EOMES: variants seen among roughly 807,000 people sequenced by gnomAD.
The protein encoded by EOMES is eomesodermin, also known as eomesodermin homolog.
In EOMES, 18 loss-of-function variants were observed where a neutral mutation model predicts 61.0. That is an observed-to-expected ratio of 0.30 (90% confidence interval 0.20 to 0.44). The LOEUF (loss-of-function observed/expected upper bound fraction) is 0.44. Among genes scored for constraint, EOMES ranks in the 20% least tolerant of loss-of-function variants. EOMES has a pLI of 1.00. For synonymous variants in EOMES, 430 were observed against 394.0 expected, an observed-to-expected ratio of 1.09 and a Z score of -1.08; for missense variants, 885 against 939.2, an observed-to-expected ratio of 0.94 and a Z score of 0.75.
At chr3:27,718,931 A>G in intron 3 of EOMES, 38 bp from the exon 4 acceptor site, 1 of 1,509,400 alleles carries the variant, frequency 6.6e-7, no homozygotes. Context: ...AAATCTAAAA[A>G]GCCTCTTAGT....
rs1011148499 is a variant in EOMES, at chr3:27,721,612, G to A, written c.683C>T (p.Pro228Leu). ...CCCCTGGCTGTACTGATAGGTGCCC[G>A]GGCCGCCGCCCCCGCCGCTGCTACC... is the stretch of plus-strand genomic sequence containing the variant. The part of the protein sequence containing the change: ...AGGSSGGGGG[P>L]GTYQYSQGAP... The change falls in exon 1 of 6, where the codon CCG becomes CTG. Residue 228 changes from proline (P) to leucine (L), a missense_variant. This residue lies in a region of EOMES where 449 missense variants were observed against 383.6 expected (regional missense o/e 1.17). Coordinates refer to ENST00000449599, the MANE Select transcript of EOMES (RefSeq NM_001278182.2). The surrounding 1 kb of genome is among the most constrained non-coding windows in gnomAD (Gnocchi z 7.4). The A allele has an allele frequency of 1.2e-5, 19 of 1,544,562 alleles. No individual in the cohort carries two copies. The East Asian group carries it at 4.6e-4, about 38-fold the overall frequency.
Position 27,721,857 on chromosome 3 carries a change from G to A in EOMES, c.438C>T (p.Leu146=). The A allele has an allele frequency of 6.6e-7, 1 of 1,511,024 alleles. No homozygotes were observed. The highest frequency in any genetic ancestry group is 8.8e-7 in the Non-Finnish European group (1 of 1,135,336). 93.6% of individuals were successfully genotyped at this position (1,511,024 alleles called of 1,614,324 possible). The part of the protein sequence containing the change: ...MDSLSSERYY[L]QSPGPQGSEL... ...CCGACCCCTGAGGACCGGGGGACTG[G>A]AGGTAGTACCGCTCGGAGCTCAGGC... The change falls in exon 1 of 6, where the codon CTC becomes CTT. Residue 146 remains leucine (L), a synonymous_variant. Coordinates refer to ENST00000449599, the MANE Select transcript of EOMES (RefSeq NM_001278182.2). This position sits in a 1 kb window ranked among gnomAD's most constrained non-coding sequence, Gnocchi z 7.4.
rs1455333691 is a variant in EOMES, at chr3:27,718,902, A to G, written c.1159-9T>C. ...GATTGTAAGACTATCATCTGGAAAG[A>G]GTACAGAAAAAAATTGCTAAATCTA... On this transcript the variant is annotated splice_polypyrimidine_tract_variant and intron_variant, in intron 3 of 5. Coordinates refer to ENST00000449599, the MANE Select transcript of EOMES (RefSeq NM_001278182.2). 15 of 1,588,854 alleles carry G rather than the reference A, an allele frequency of 9.4e-6. No individual in the cohort carries two copies. The highest frequency in any genetic ancestry group is 1.7e-4 in the Middle Eastern group (1 of 5,922).
Position 27,721,670 on chromosome 3 carries a change from C to G in EOMES, c.625G>C (p.Gly209Arg), listed in dbSNP as rs772273408. 5.9e-6 allele frequency: 9 copies of G among 1,532,610 alleles called. No individual in the cohort carries two copies. The highest frequency in any genetic ancestry group is 2.1e-5 in the Admixed American group (1 of 48,764). The allele number at this position is 1,532,610 out of a possible 1,614,324, so 94.9% of individuals were successfully genotyped here. Residue 209 changes from glycine (G) to arginine (R), a missense_variant, in exon 1 of 6, where the codon GGC (glycine) becomes CGC (arginine). Around this residue, in one of 3 missense-constraint regions of EOMES, gnomAD observed 449 missense variants for 383.6 expected, o/e 1.17. Transcript: ENST00000449599. The surrounding 1 kb of genome is among the most constrained non-coding windows in gnomAD (Gnocchi z 7.4). ...CCACTGCCCGCACCGGCTCCTGGGCCGAACTGCGCCCTCCCGGGTGGGCAC... is the reference window on the plus strand; with the variant it reads ...CCACTGCCCGCACCGGCTCCTGGGCGGAACTGCGCCCTCCCGGGTGGGCAC... The part of the protein sequence containing the change: ...AVCPPGRAQF[G>R]PGAGAGSGAG...
chr3:27,720,979 A>C (rs1226566391), intron 1 of EOMES, among the ~76,000 whole-genome samples: 1 of 152,040 alleles, frequency 6.6e-6, no homozygotes, highest in African/African-American at 2.4e-5. Flanking sequence ...CCCCGTGGAG[A>C]CCCTGGCGCC....
At position 27,717,322 on chromosome 3, in the gene EOMES, A is replaced by G; in HGVS notation, c.1866T>C (p.Asp622=). ...CTTTCACTTTCTCCTTGGAGAGCTG[A>G]TCTTCAGAGAACACAGTGGGGCTTG... The part of the protein sequence containing the change: ...SRTSPTVFSE[D]QLSKEKVKEE... Residue 622 remains aspartate (D), a synonymous_variant, in exon 6 of 6, where the codon GAT becomes GAC. Transcript: ENST00000449599. This position sits in a 1 kb window ranked among gnomAD's most constrained non-coding sequence, Gnocchi z 4.5. The G allele has an allele frequency of 6.2e-7, 1 of 1,614,138 alleles. No individual in the cohort carries two copies. Among genetic ancestry groups the G allele is most frequent in the Middle Eastern group, 1.6e-4 (1 of 6,062 alleles).
chr3:27,720,756 A>G (rs1407257076), intron 1 of EOMES, among the ~76,000 whole-genome samples: 1 of 152,046 alleles, frequency 6.6e-6, no homozygotes, highest in African/African-American at 2.4e-5. Context: ...ATATATTAAA[A>G]CTTTAGGCTA....
chr3:27,721,648 C>G lies in EOMES; in HGVS notation c.647G>C (p.Ser216Thr), dbSNP rs757000099. The change falls in exon 1 of 6, where the codon AGT becomes ACT. Residue 216 changes from serine (S) to threonine (T), a missense_variant. Around this residue, in one of 3 missense-constraint regions of EOMES, gnomAD observed 449 missense variants for 383.6 expected, o/e 1.17. Transcript: ENST00000449599. The surrounding 1 kb of genome is among the most constrained non-coding windows in gnomAD (Gnocchi z 7.4). ...AQFGPGAGAGSGAGGSSGGGG... is the reference protein window; with the variant it reads ...AQFGPGAGAGTGAGGSSGGGG... ...CCCGCCGCTGCTACCGCCCGCGCCA[C>G]TGCCCGCACCGGCTCCTGGGCCGAA... 6.5e-7 allele frequency: 1 copy of G among 1,540,226 alleles called. No individual in the cohort carries two copies. The highest frequency in any genetic ancestry group is 1.2e-5 in the South Asian group (1 of 83,962).
Position 27,719,357 on chromosome 3 carries a change from T to C in EOMES, c.1158+3A>G. On this transcript the variant is annotated splice_donor_region_variant and intron_variant, in intron 3 of 5. Coordinates refer to ENST00000449599, the MANE Select transcript of EOMES (RefSeq NM_001278182.2). The stretch of plus-strand genomic sequence containing the variant: ...GATATCCCCTCCTGCTCTGTCACTC[T>C]ACCTGGGTGTTGTTGTTATTTGCGC... 1 of 1,614,080 alleles carries C rather than the reference T, an allele frequency of 6.2e-7. No individual in the cohort carries two copies. Among genetic ancestry groups the C allele is most frequent in the Non-Finnish European group, 8.5e-7 (1 of 1,179,906 alleles).
Position 27,717,732 on chromosome 3 carries a change from C to T in EOMES, c.1456G>A (p.Gly486Arg). The change falls in exon 6 of 6, where the codon GGA becomes AGA. Residue 486 changes from glycine (G) to arginine (R), a missense_variant. By Grantham distance (125) the Gly-to-Arg change is moderately radical. Around this residue, in one of 3 missense-constraint regions of EOMES, gnomAD observed 259 missense variants for 282.3 expected, o/e 0.92. Transcript: ENST00000449599. This position sits in a 1 kb window ranked among gnomAD's most constrained non-coding sequence, Gnocchi z 4.5. ...DSPRSHQIVPGGRYGVQSFFP... is the reference protein window; with the variant it reads ...DSPRSHQIVPRGRYGVQSFFP... ...AAGGATTGAACGCCGTACCGACCTCCAGGGACAATCTGATGGGATCTAGGA... is the reference window on the plus strand; with the variant it reads ...AAGGATTGAACGCCGTACCGACCTCTAGGGACAATCTGATGGGATCTAGGA... The T allele has an allele frequency of 6.2e-7, 1 of 1,613,730 alleles. No individual in the cohort carries two copies. The highest frequency in any genetic ancestry group is 8.5e-7 in the Non-Finnish European group (1 of 1,179,896).
chr3:27,721,781 G>T lies in EOMES; in HGVS notation c.514C>A (p.Pro172Thr). 6.7e-7 allele frequency: 1 copy of T among 1,499,226 alleles called. No individual in the cohort carries two copies. Among genetic ancestry groups the T allele is most frequent in the Non-Finnish European group, 8.8e-7 (1 of 1,136,262 alleles). The allele number at this position is 1,499,226 out of a possible 1,614,324, so 92.9% of individuals were successfully genotyped here. ...LFPYQAAAGAPHGPVYPAPNG... is the reference protein window; with the variant it reads ...LFPYQAAAGATHGPVYPAPNG... ...GGAGCCGGGTACACAGGTCCGTGGG[G>T]CGCCCCAGCCGCCGCCTGGTACGGG... Residue 172 changes from proline to threonine, a missense_variant, in exon 1 of 6, where the codon CCC (proline) becomes ACC (threonine). Pro to Thr is a conservative substitution (Grantham distance 38). Coordinates refer to ENST00000449599, the MANE Select transcript of EOMES (RefSeq NM_001278182.2). The surrounding 1 kb of genome is among the most constrained non-coding windows in gnomAD (Gnocchi z 7.4).
rs1366984968 is a variant in EOMES, at chr3:27,721,542, A to G, written c.753T>C (p.Ser251=). 1 of 1,607,974 alleles carries G rather than the reference A, an allele frequency of 6.2e-7. No homozygotes were observed. The highest frequency in any genetic ancestry group is 1.7e-5 in the Admixed American group (1 of 59,442). The change falls in exon 1 of 6, where the codon TCT becomes TCC. Residue 251 remains serine, a synonymous_variant. Coordinates refer to ENST00000449599, the MANE Select transcript of EOMES (RefSeq NM_001278182.2). The surrounding 1 kb of genome is among the most constrained non-coding windows in gnomAD (Gnocchi z 7.4). ...GPYPGAAAAG[S]CGGLGGLGVP... ...CCCCCAGGCCCCCCAGTCCTCCGCA[A>G]GATCCCGCCGCTGCGGCTCCAGGGT...
Position 27,717,940 on chromosome 3 carries a change from G to C in EOMES, c.1380-132C>G, listed in dbSNP as rs541587968. The C allele has an allele frequency of 8.2e-5, 55 of 671,312 alleles. No homozygotes were observed. The East Asian group carries it at 1.5e-3, about 18-fold the overall frequency. The allele number at this position is 671,312 out of a possible 1,614,324, so 41.6% of individuals were successfully genotyped here. A position where few individuals can be genotyped will look rare whatever the true frequency, so the allele number is the denominator to read the frequency against. On this transcript the variant is annotated intron_variant, in intron 5 of 5. Coordinates refer to ENST00000449599, the MANE Select transcript of EOMES (RefSeq NM_001278182.2). The surrounding 1 kb of genome is among the most constrained non-coding windows in gnomAD (Gnocchi z 4.5). ...AAAGTGCTGGTCTGTTGGGCTGAAA[G>C]AACAGAGGCAGGAGATGCACTGGCC...
rs2060572449 is a variant in EOMES at position 27,716,856 on chromosome 3, C to A, written c.*214G>T. ...GAATTTTAAAATACCTTAAAGTCTT[C>A]CATTAATCTTATTTTTTAAAAATGC... On this transcript the variant is annotated 3_prime_UTR_variant, in exon 6 of 6. Transcript: ENST00000449599. 1 of 544,196 alleles carries A rather than the reference C, an allele frequency of 1.8e-6. No homozygotes were observed. Among genetic ancestry groups the A allele is most frequent in the African/African-American group, 1.9e-5 (1 of 53,224 alleles). The allele number at this position is 544,196 out of a possible 1,614,324, so 33.7% of individuals were successfully genotyped here.
Position 27,722,240 on chromosome 3 carries a change from A to G in EOMES, c.55T>C (p.Phe19Leu), listed in dbSNP as rs1417468962. 1.2e-6 allele frequency: 2 copies of G among 1,605,254 alleles called. No individual in the cohort carries two copies. Among genetic ancestry groups the G allele is most frequent in the East Asian group, 4.6e-5 (2 of 43,940 alleles). Residue 19 changes from phenylalanine to leucine, a missense_variant, in exon 1 of 6, where the codon TTC (phenylalanine) becomes CTC (leucine). Around this residue, in one of 3 missense-constraint regions of EOMES, gnomAD observed 449 missense variants for 383.6 expected, o/e 1.17. Coordinates refer to ENST00000449599, the MANE Select transcript of EOMES (RefSeq NM_001278182.2). ...CCTCGCGCACTCTCCAGCGGGTAGAAGTGCGCGCCAGGCAGGTTCACTGAG... is the reference window on the plus strand; with the variant it reads ...CCTCGCGCACTCTCCAGCGGGTAGAGGTGCGCGCCAGGCAGGTTCACTGAG... ...VSSVNLPGAH[F>L]YPLESARGGS...
At position 27,717,645 on chromosome 3, in the gene EOMES, C is replaced by T. The variant is rs371113667; in HGVS notation, c.1543G>A (p.Val515Met). 49 of 1,613,878 alleles carry T rather than the reference C, an allele frequency of 3.0e-5. No homozygotes were observed. Among genetic ancestry groups the T allele is most frequent in the East Asian group, 4.5e-5 (2 of 44,876 alleles). The change falls in exon 6 of 6, where the codon GTG becomes ATG. Residue 515 changes from valine to methionine, a missense_variant. This residue lies in a region of EOMES where 259 missense variants were observed against 282.3 expected (regional missense o/e 0.92). Coordinates refer to ENST00000449599, the MANE Select transcript of EOMES (RefSeq NM_001278182.2). The surrounding 1 kb of genome is among the most constrained non-coding windows in gnomAD (Gnocchi z 4.5). The part of the protein sequence containing the change: ...QARYYNGERT[V>M]PQTNGLLSPQ... ...GAAAGGAGGCCGTTGGTCTGTGGCA[C>T]GGTTCTCTCGCCATTATAATAGCGG...
Position 27,717,938 on chromosome 3 carries a change from A to G in EOMES, c.1380-130T>C. On this transcript the variant is annotated intron_variant, in intron 5 of 5. Transcript: ENST00000449599. The surrounding 1 kb of genome is among the most constrained non-coding windows in gnomAD (Gnocchi z 4.5). ...CGAAAGTGCTGGTCTGTTGGGCTGA[A>G]AGAACAGAGGCAGGAGATGCACTGG... The G allele has an allele frequency of 1.5e-6, 1 of 676,778 alleles. No homozygotes were observed. The highest frequency in any genetic ancestry group is 2.4e-6 in the Non-Finnish European group (1 of 420,760). 41.9% of individuals were successfully genotyped at this position (676,778 alleles called of 1,614,324 possible).
rs955451303 is a variant in EOMES, at chr3:27,719,592, C to T, written c.1037-111G>A. ...GAGCAAGATATAAGAGCTAGACTTA[C>T]AGTTGGTCTCCCAGTAAAAGTTGCT... is the stretch of plus-strand genomic sequence containing the variant. On this transcript the variant is annotated intron_variant, in intron 2 of 5. Transcript: ENST00000449599. The T allele has an allele frequency of 5.1e-5, 50 of 977,222 alleles. 1 individual carries two copies. In the African/African-American group the frequency reaches 7.0e-4, roughly 14 times the overall value. The allele number at this position is 977,222 out of a possible 1,614,324, so 60.5% of individuals were successfully genotyped here.
In EOMES at chr3:27,717,191, G is replaced by C. The variant is rs1370564912; in HGVS notation, c.1997C>G (p.Pro666Arg). 2.5e-6 allele frequency: 4 copies of C among 1,614,100 alleles called. No homozygotes were observed. Among genetic ancestry groups the C allele is most frequent in the Non-Finnish European group, 3.4e-6 (4 of 1,179,962 alleles). Residue 666 changes from proline (P) to arginine (R), a missense_variant, in exon 6 of 6, where the codon CCT becomes CGT. Pro to Arg is a moderately radical substitution (Grantham distance 103). Transcript: ENST00000449599. This position sits in a 1 kb window ranked among gnomAD's most constrained non-coding sequence, Gnocchi z 4.5. ...TSACKRRRLS[P>R]SNSSNENSPS... Reference sequence around the variant, plus strand: ...TGAATTTTCATTACTGGAGTTGCTAGGAGACAGCCGCCTTCGCTTACAAGC... The same window carrying C: ...TGAATTTTCATTACTGGAGTTGCTACGAGACAGCCGCCTTCGCTTACAAGC...
Sources: allele counts gnomAD v4.1 joint callset (sites outside exome capture counted in the v4.1 genomes callset), GRCh38; gene constraint gnomAD v4.1.1; regional missense constraint gnomAD v4.1.1; non-coding constraint Gnocchi (gnomAD v3.1); transcripts MANE v1.5; gene names NCBI Gene and HGNC (gene_info 2026-07-23, HGNC 2026-07-21).